Variants in DGKH observed in about 807,000 individuals in gnomAD.
DGKH encodes DAG kinase eta.
A neutral mutation model predicts 159.3 loss-of-function variants in DGKH; 90 were observed. That is an observed-to-expected ratio of 0.57 (90% CI 0.48 to 0.67). The LOEUF (loss-of-function observed/expected upper bound fraction) is 0.67, where lower values mean the gene tolerates loss of function less well. DGKH is among the 30% of genes least tolerant of loss of function. The pLI, the probability that DGKH is intolerant of heterozygous loss-of-function variation, is 0.00. For synonymous variants in DGKH, 536 were observed against 553.8 expected, an observed-to-expected ratio of 0.97 and a Z score of 0.45; for missense variants, 1,181 against 1,506.1, an observed-to-expected ratio of 0.78 and a Z score of 3.57.
chr13:42,180,940 GTCCCAAATTCTA>G (rs1426553723), intron 13 of DGKH, among the ~76,000 whole-genome samples: 1 of 152,070 alleles, frequency 6.6e-6, no homozygotes. Flanking sequence ...CATTTACCCA[GTCCCAAATTCTA>G]TACCATCTTA....
At chr13:42,255,134 C>G (rs1958648710) in intron 30 of DGKH, among the ~76,000 whole-genome samples, 2 of 149,900 alleles carry the variant, frequency 1.3e-5, no homozygotes, top group Non-Finnish European at 3.0e-5. Context: ...TTCTATTAGA[C>G]TGTGGTAGTC....
intron 2 of DGKH, among the ~76,000 whole-genome samples, chr13:42,127,899 A>G (rs901020817): frequency 9.9e-5 from 15 of 152,078 alleles, no homozygotes; most frequent in African/African-American, 3.1e-4. Context: ...TCCACCTTTT[A>G]CCTTGTAAAT....
intron 1 of DGKH, among the ~76,000 whole-genome samples, chr13:42,123,274 T>C (rs1955109404): frequency 6.6e-6 from 1 of 152,144 alleles, no homozygotes. Context: ...TAGATAATTA[T>C]ACCTGTTCAT....
Position 42,195,013 on chromosome 13 carries a change from C to A in DGKH, c.2164C>A (p.Pro722Thr). Reference sequence around the variant, plus strand: ...TGTGCTCAATACCAGAATAATCTGCCCAGGTAGTACAGATTCTGAAACATC... The same window carrying A: ...TGTGCTCAATACCAGAATAATCTGCACAGGTAGTACAGATTCTGAAACATC... ...LPVLNTRIIC[P>T]GLRAGLAASI... Residue 722 changes from proline to threonine, a missense_variant, in exon 17 of 30, where the codon CCA (proline) becomes ACA (threonine). This residue lies in a region of DGKH where 257 missense variants were observed against 281.5 expected (regional missense o/e 0.91). Coordinates refer to ENST00000337343, the MANE Select transcript of DGKH (RefSeq NM_178009.5). 6.2e-7 allele frequency: 1 copy of A among 1,610,550 alleles called. No individual in the cohort carries two copies. The highest frequency in any genetic ancestry group is 8.5e-7 in the Non-Finnish European group (1 of 1,179,100).
intron 29 of DGKH, chr13:42,225,461 G>A: frequency 1.1e-6 from 1 of 894,648 alleles, no homozygotes; most frequent in Non-Finnish European, 1.6e-6. Flanking sequence ...GTTTATCCAG[G>A]GAAAGAGAAA....
chr13:42,059,343 G>A (rs1259699020), intron 1 of DGKH, among the ~76,000 whole-genome samples: 2 of 151,760 alleles, frequency 1.3e-5, no homozygotes, highest in African/African-American at 4.8e-5. Flanking sequence ...TCTGCCTCTG[G>A]GGTTTAAGCG....
intron 1 of DGKH, among the ~76,000 whole-genome samples, chr13:42,077,651 A>G (rs1431714492): frequency 6.6e-6 from 1 of 152,206 alleles, no homozygotes; most frequent in Non-Finnish European, 1.5e-5. Context: ...GAAAAGTTAG[A>G]GTGATTTAGG....
At chr13:42,158,305 A>G (rs1164751603) in intron 5 of DGKH, among the ~76,000 whole-genome samples, 1 of 152,190 alleles carries the variant, frequency 6.6e-6, no homozygotes, top group East Asian at 1.9e-4. Context: ...CTTTCATTTA[A>G]ATTTAGCAAC....
At chr13:42,136,710 G>C (rs1018182274) in intron 3 of DGKH, among the ~76,000 whole-genome samples, 3 of 152,108 alleles carry the variant, frequency 2.0e-5, no homozygotes, top group Non-Finnish European at 2.9e-5. Flanking sequence ...CAGTCTGTAG[G>C]TGTGTGTGAA....
chr13:42,150,353 T>A (rs983394844), intron 3 of DGKH, among the ~76,000 whole-genome samples: 3 of 152,178 alleles, frequency 2.0e-5, no homozygotes, highest in African/African-American at 7.2e-5. Context: ...TAGGCACTAT[T>A]TGTCTAGTAT....
chr13:42,069,594 C>T, intron 1 of DGKH: 1 of 1,507,468 alleles, frequency 6.6e-7, no homozygotes, highest in Non-Finnish European at 9.1e-7. Flanking sequence ...GGGCTTTAAC[C>T]AATCCATTCC....
In DGKH at chr13:42,201,358, T is replaced by C. The variant is rs1957342987; in HGVS notation, c.2493+1449T>C. ...TTATCCCCAGTGTTTAGCTCAGCAC[T>C]GGTCCTATTTTGAGGGTGAAATAGA... On this transcript the variant is annotated intron_variant, in intron 20 of 29. Coordinates refer to ENST00000337343, the MANE Select transcript of DGKH (RefSeq NM_178009.5). Among the ~76,000 whole-genome samples the C allele has an allele frequency of 4.6e-5, 7 of 152,148 alleles. No individual in the cohort carries two copies. The South Asian group carries it at 1.4e-3, about 31-fold the overall frequency.
At chr13:42,080,210 T>G (rs140920208) in intron 1 of DGKH, among the ~76,000 whole-genome samples, 1 of 152,370 alleles carries the variant, frequency 6.6e-6, no homozygotes, top group East Asian at 1.9e-4. Context: ...GTATGCTTTT[T>G]GATGTGGTGC....
chr13:42,200,844 G>T (rs1040608611), intron 20 of DGKH, among the ~76,000 whole-genome samples: 1 of 152,100 alleles, frequency 6.6e-6, no homozygotes, highest in African/African-American at 2.4e-5. Context: ...AGACTTACTG[G>T]ATAAAAAGGT....
intron 5 of DGKH, among the ~76,000 whole-genome samples, chr13:42,156,273 C>G (rs918893759): frequency 6.6e-6 from 1 of 152,076 alleles, no homozygotes; most frequent in African/African-American, 2.4e-5. Flanking sequence ...GAAGGGGTCT[C>G]ACTCTGTCAC....
chr13:42,138,033 G>T (rs1955439056), intron 3 of DGKH: 1 of 963,234 alleles, frequency 1.0e-6, no homozygotes, highest in South Asian at 4.8e-5. Flanking sequence ...TGAGGTAATA[G>T]CTCTTCCCAT....
chr13:42,184,739 G>C (rs1594164925), intron 13 of DGKH, among the ~76,000 whole-genome samples: 1 of 151,800 alleles, frequency 6.6e-6, no homozygotes, highest in East Asian at 1.9e-4. Flanking sequence ...TGGTGACATG[G>C]ACCTGTGGTC....
At chr13:42,176,741 G>A (rs1049638224) in intron 12 of DGKH, among the ~76,000 whole-genome samples, 9 of 152,162 alleles carry the variant, frequency 5.9e-5, no homozygotes, top group African/African-American at 2.2e-4. Context: ...AAAGATACCT[G>A]AGTCAGGCAG....
At chr13:42,056,740 T>C (rs1015312137) in intron 1 of DGKH, among the ~76,000 whole-genome samples, 10 of 152,174 alleles carry the variant, frequency 6.6e-5, no homozygotes, top group Non-Finnish European at 2.9e-5. Flanking sequence ...GAAACTTTAA[T>C]CTACAGCATG....
Sources: allele counts gnomAD v4.1 joint callset (sites outside exome capture counted in the v4.1 genomes callset), GRCh38; gene constraint gnomAD v4.1.1; regional missense constraint gnomAD v4.1.1; transcripts MANE v1.5; gene names NCBI Gene and HGNC (gene_info 2026-07-23, HGNC 2026-07-21).